Variants in ITGA9 observed in about 807,000 individuals in gnomAD.
ITGA9 encodes integrin alpha-9.
Under a neutral mutation model 127.8 loss-of-function variants are expected in ITGA9, and 56 were observed. The ratio of observed to expected loss-of-function variants is 0.44; its 90% CI spans 0.35 to 0.55. The LOEUF (loss-of-function observed/expected upper bound fraction) is 0.55. Ranked by LOEUF, ITGA9 falls within the 20% of genes least tolerant of loss-of-function variation. The pLI is 0.00. For missense variants in ITGA9, 1,196 were observed against 1,347.1 expected, an observed-to-expected ratio of 0.89 and a Z score of 1.76; for synonymous variants, 508 against 514.5, an observed-to-expected ratio of 0.99 and a Z score of 0.17.
rs60980366 is a variant in ITGA9 at position 37,466,483 on chromosome 3, C to CAAAAAAAAAAAAAAAAAAAAAA, written c.186-4515_186-4494dup. ...TGGGTAACAGAGCAAGACACCATCT[C>CAAAAAAAAAAAAAAAAAAAAAA]AAAAAAAAAAAAAAAAAAAAAAAAA... On this transcript the variant is annotated intron_variant, in intron 1 of 27. Coordinates refer to ENST00000264741, the MANE Select transcript of ITGA9 (RefSeq NM_002207.3). Among the ~76,000 whole-genome samples the CAAAAAAAAAAAAAAAAAAAAAA allele has an allele frequency of 3.5e-4, 9 of 26,064 alleles. 3 individuals are homozygous for CAAAAAAAAAAAAAAAAAAAAAA. Among genetic ancestry groups the CAAAAAAAAAAAAAAAAAAAAAA allele is most frequent in the African/African-American group, 1.2e-3 (6 of 5,210 alleles). The allele number at this position is 26,064 out of a possible 152,430, so 17.1% of individuals were successfully genotyped here.
At chr3:37,487,467 TC>T (rs1559518352) in intron 4 of ITGA9, among the ~76,000 whole-genome samples, 1 of 152,216 alleles carries the variant, frequency 6.6e-6, no homozygotes, top group African/African-American at 2.4e-5. Context: ...CAAACGTGTT[TC>T]CATGTATTAC....
chr3:37,683,748 C>T, intron 17 of ITGA9, 117 bp from the exon 18 acceptor site: 3 of 1,032,178 alleles, frequency 2.9e-6, no homozygotes, highest in Non-Finnish European at 1.5e-6. Flanking sequence ...TAATGGGGCT[C>T]CTGGAACTTG....
chr3:37,766,921 G>T (rs1040228145), intron 23 of ITGA9, among the ~76,000 whole-genome samples: 2 of 152,182 alleles, frequency 1.3e-5, no homozygotes, highest in African/African-American at 4.8e-5. Flanking sequence ...CATCTGTATC[G>T]CTTTAACTCC....
intron 3 of ITGA9, among the ~76,000 whole-genome samples, chr3:37,474,559 A>C (rs1328749712): frequency 1.3e-5 from 2 of 152,146 alleles, no homozygotes; most frequent in Non-Finnish European, 2.9e-5. Flanking sequence ...ACGCATGTAC[A>C]CTTATGCATC....
At chr3:37,469,134 A>G (rs574825910) in intron 1 of ITGA9, among the ~76,000 whole-genome samples, 148 of 152,162 alleles carry the variant, frequency 9.7e-4, no homozygotes, top group African/African-American at 3.4e-3. Context: ...CTGCACTCAC[A>G]CAGGCCCAAA....
chr3:37,532,855 G>A (rs1699169840), intron 13 of ITGA9, among the ~76,000 whole-genome samples: 1 of 152,182 alleles, frequency 6.6e-6, no homozygotes, highest in African/African-American at 2.4e-5. Context: ...ACTGCATGGG[G>A]CTACAACATT....
At chr3:37,489,776 C>T (rs1296745691) in intron 4 of ITGA9, among the ~76,000 whole-genome samples, 2 of 151,444 alleles carry the variant, frequency 1.3e-5, no homozygotes, top group Non-Finnish European at 2.9e-5. Context: ...TTTAGATTTG[C>T]CACTCTGTTA....
intron 18 of ITGA9, among the ~76,000 whole-genome samples, chr3:37,687,971 C>G (rs1159375678): frequency 6.6e-5 from 10 of 152,200 alleles, no homozygotes; most frequent in Admixed American, 3.3e-4. Flanking sequence ...CTCAGACCCT[C>G]CAAGAGACTG....
intron 5 of ITGA9, among the ~76,000 whole-genome samples, chr3:37,498,988 G>C (rs893893347): frequency 6.6e-6 from 1 of 152,198 alleles, no homozygotes; most frequent in African/African-American, 2.4e-5. Context: ...GCTGGACATG[G>C]ATCTGTGGCC....
At chr3:37,468,109 G>A (rs920306412) in intron 1 of ITGA9, among the ~76,000 whole-genome samples, 1 of 152,128 alleles carries the variant, frequency 6.6e-6, no homozygotes, top group Non-Finnish European at 1.5e-5. Context: ...GATTTCCAAA[G>A]GGCTGTGGGT....
chr3:37,673,245 T>C (rs570939116), intron 17 of ITGA9, among the ~76,000 whole-genome samples: 2 of 152,190 alleles, frequency 1.3e-5, no homozygotes, highest in Non-Finnish European at 2.9e-5. Flanking sequence ...TTCTCACACA[T>C]GACAGTGAGC....
chr3:37,609,254 TTTC>T (rs1360003172), intron 15 of ITGA9, among the ~76,000 whole-genome samples: 3 of 152,100 alleles, frequency 2.0e-5, no homozygotes, highest in African/African-American at 4.8e-5. Flanking sequence ...TAGGGAAGGG[TTTC>T]TTCTTCCTAT....
intron 26 of ITGA9, among the ~76,000 whole-genome samples, chr3:37,798,172 T>G (rs535657931): frequency 6.6e-6 from 1 of 152,214 alleles, no homozygotes; most frequent in East Asian, 1.9e-4. Flanking sequence ...TGTGTTTTTG[T>G]AGAGACAAGG....
chr3:37,628,295 T>C (rs914331057), intron 15 of ITGA9, among the ~76,000 whole-genome samples: 9 of 152,110 alleles, frequency 5.9e-5, no homozygotes, highest in Non-Finnish European at 1.2e-4. Flanking sequence ...TGTCTCAGAA[T>C]GTGGGACCAC....
chr3:37,746,306 A>G (rs1208250522), intron 22 of ITGA9, among the ~76,000 whole-genome samples: 1 of 152,356 alleles, frequency 6.6e-6, no homozygotes, highest in East Asian at 1.9e-4. Flanking sequence ...CTCCACTGCC[A>G]TTGTACACAG....
intron 1 of ITGA9, among the ~76,000 whole-genome samples, chr3:37,464,116 AGT>A (rs10603611): frequency 0.074 from 10,634 of 144,042 alleles, 504 homozygotes; most frequent in East Asian, 0.21. Flanking sequence ...AGAAGGTGTG[AGT>A]GTGTGTGTGT....
intron 13 of ITGA9, among the ~76,000 whole-genome samples, chr3:37,529,702 A>T (rs1699129445): frequency 6.6e-6 from 1 of 152,314 alleles, no homozygotes; most frequent in South Asian, 2.1e-4. Flanking sequence ...CATCTATGTG[A>T]ACCCTGATGC....
intron 18 of ITGA9, among the ~76,000 whole-genome samples, chr3:37,731,097 A>G (rs371407067): frequency 6.6e-6 from 1 of 152,174 alleles, no homozygotes; most frequent in East Asian, 1.9e-4. Flanking sequence ...CAGAATCACT[A>G]ATTTTATCAC....
chr3:37,562,281 C>T (rs1026827893), intron 15 of ITGA9, among the ~76,000 whole-genome samples: 1 of 152,198 alleles, frequency 6.6e-6, no homozygotes, highest in Non-Finnish European at 1.5e-5. Context: ...CCCCGGAGCA[C>T]CTACAGATAT....
Sources: gnomAD v4.1 joint callset for allele counts (sites outside exome capture counted in the v4.1 genomes callset) on GRCh38, gnomAD v4.1.1 for gene constraint, MANE v1.5 for transcripts, NCBI Gene and HGNC (gene_info 2026-07-23, HGNC 2026-07-21) for gene names.